FAM169A: variants seen among roughly 807,000 people sequenced by gnomAD.
The protein encoded by FAM169A is family with sequence similarity 169 member A.
In FAM169A, 24 loss-of-function variants were observed where a neutral mutation model predicts 75.7. The observed-to-expected ratio is 0.32, with a 90% CI of 0.23 to 0.45. The LOEUF (loss-of-function observed/expected upper bound fraction) is 0.45, where lower values mean the gene tolerates loss of function less well. Among genes scored for constraint, FAM169A ranks in the 20% least tolerant of loss-of-function variants. The pLI is 1.00. For synonymous variants in FAM169A, 271 were observed against 271.0 expected (o/e 1.00, Z 0.00); for missense variants, 673 against 784.0 (o/e 0.86, Z 1.69).
intron 5 of FAM169A, among the ~76,000 whole-genome samples, chr5:74,831,301 C>T (rs1325679071): frequency 2.0e-5 from 3 of 152,108 alleles, no homozygotes; most frequent in South Asian, 4.1e-4. Flanking sequence ...TTTTGTCTTA[C>T]GATAATTTCT....
intron 10 of FAM169A, among the ~76,000 whole-genome samples, chr5:74,796,709 CTT>C (rs749033904): frequency 2.7e-4 from 38 of 142,208 alleles, no homozygotes; most frequent in Admixed American, 5.0e-4. Flanking sequence ...CAGCCTGAAT[CTT>C]TTTTTTTTTT....
chr5:74,855,667 T>A (rs1428897263), intron 1 of FAM169A, among the ~76,000 whole-genome samples: 1 of 152,252 alleles, frequency 6.6e-6, no homozygotes, highest in African/African-American at 2.4e-5. Flanking sequence ...TCTGAGTTCC[T>A]TATATATTCT....
chr5:74,816,695 T>C (rs1479867590), intron 5 of FAM169A, among the ~76,000 whole-genome samples: 1 of 152,210 alleles, frequency 6.6e-6, no homozygotes, highest in Non-Finnish European at 1.5e-5. Context: ...TGGATTTACC[T>C]AGTAAAGCAA....
chr5:74,821,900 A>C (rs1747782956), intron 5 of FAM169A, among the ~76,000 whole-genome samples: 1 of 152,164 alleles, frequency 6.6e-6, no homozygotes, highest in African/African-American at 2.4e-5. Context: ...CTACAGTGGG[A>C]CAGTCTGTAG....
At chr5:74,806,337 A>C (rs1162608385) in intron 6 of FAM169A, among the ~76,000 whole-genome samples, 1 of 152,232 alleles carries the variant, frequency 6.6e-6, no homozygotes, top group Non-Finnish European at 1.5e-5. Flanking sequence ...ATGGTGCTGA[A>C]ATAAAAATCC....
At chr5:74,866,737 C>G, upstream of FAM169A, 1 of 985,456 alleles carries the variant, frequency 1.0e-6, no homozygotes, top group African/African-American at 1.7e-5. Flanking sequence ...TTTGCGTATT[C>G]CTTTAATGCC....
chr5:74,818,101 A>T lies in FAM169A; in HGVS notation c.491-4082T>A, dbSNP rs1397109978. Among the ~76,000 whole-genome samples, 6 of 152,328 alleles carry T rather than the reference A, an allele frequency of 3.9e-5. No individual in the cohort carries two copies. The East Asian group carries it at 1.2e-3, about 29-fold the overall frequency. ...GCCTTTGTCACCTTGGGTTAGGCAG[A>T]GCCTTCTTAGATATAACACCAAAAG... On this transcript the variant is annotated intron_variant, in intron 5 of 12. Coordinates refer to ENST00000687041, the MANE Select transcript of FAM169A (RefSeq NM_001376049.1).
intron 5 of FAM169A, among the ~76,000 whole-genome samples, chr5:74,826,054 T>A (rs563580741): frequency 3.3e-5 from 5 of 152,300 alleles, no homozygotes; most frequent in African/African-American, 1.2e-4. Flanking sequence ...AATTTTATCA[T>A]CTCTTCCTAT....
intron 10 of FAM169A, chr5:74,799,924 C>G (rs544287235): frequency 1.4e-5 from 12 of 854,928 alleles, no homozygotes; most frequent in African/African-American, 3.3e-5. Context: ...AAGAGGGCCA[C>G]GACTGAGGGC....
intron 1 of FAM169A, among the ~76,000 whole-genome samples, chr5:74,843,226 CAA>C (rs1378297923): frequency 1.3e-5 from 2 of 152,048 alleles, no homozygotes; most frequent in Non-Finnish European, 2.9e-5. Context: ...GTGAACAAGA[CAA>C]AAGAGAAACC....
intron 10 of FAM169A, among the ~76,000 whole-genome samples, chr5:74,800,410 G>GA (rs574558301): frequency 2.6e-5 from 4 of 151,848 alleles, no homozygotes; most frequent in Non-Finnish European, 5.9e-5. Flanking sequence ...AATGCGGGGG[G>GA]AAAAAAACTG....
chr5:74,810,091 A>G (rs1286368290), intron 6 of FAM169A, among the ~76,000 whole-genome samples: 1 of 152,216 alleles, frequency 6.6e-6, no homozygotes, highest in East Asian at 1.9e-4. Flanking sequence ...TCAACAGGCA[A>G]ATAAATTGTG....
chr5:74,799,503 T>C, intron 10 of FAM169A: 1 of 1,585,730 alleles, frequency 6.3e-7, no homozygotes, highest in Non-Finnish European at 8.7e-7. Flanking sequence ...GAGTGTTTTC[T>C]TCCTACATTA....
chr5:74,801,387 G>A (rs1188971439), intron 9 of FAM169A, among the ~76,000 whole-genome samples: 1 of 152,154 alleles, frequency 6.6e-6, no homozygotes, highest in African/African-American at 2.4e-5. Context: ...ACAAGGAAGA[G>A]AGAGGTACAA....
Position 74,840,061 on chromosome 5 carries a change from AGC to A in FAM169A, c.232+11_232+12del. On this transcript the variant is annotated intron_variant, in intron 3 of 12. Coordinates refer to ENST00000687041, the MANE Select transcript of FAM169A (RefSeq NM_001376049.1). ...AAAATTCCTTAATTTATAAAAATTA[AGC>A]AAAAAGAGACCTGTCAGTGAATCTT... 3 of 1,389,234 alleles carry A rather than the reference AGC, an allele frequency of 2.2e-6. No individual in the cohort carries two copies. The highest frequency in any genetic ancestry group is 3.0e-6 in the Non-Finnish European group (3 of 1,005,600). 86.1% of individuals were successfully genotyped at this position (1,389,234 alleles called of 1,614,324 possible).
At chr5:74,839,973 TAA>T in intron 3 of FAM169A, 99 bp downstream of exon 3, 1 of 507,986 alleles carries the variant, frequency 2.0e-6, no homozygotes, top group Non-Finnish European at 3.5e-6. Flanking sequence ...TGAAACACTT[TAA>T]AAAAAAAACC....
intron 5 of FAM169A, among the ~76,000 whole-genome samples, chr5:74,834,041 T>C (rs1252489415): frequency 6.6e-6 from 1 of 152,166 alleles, no homozygotes; most frequent in African/African-American, 2.4e-5. Context: ...AAACAGGCTA[T>C]GCATTTGGGC....
At chr5:74,861,352 A>C (rs893338014) in intron 1 of FAM169A, among the ~76,000 whole-genome samples, 1 of 152,180 alleles carries the variant, frequency 6.6e-6, no homozygotes, top group African/African-American at 2.4e-5. Context: ...AATCTCTATT[A>C]TCTGCCTAGA....
chr5:74,826,457 T>TTTTGGCC (rs1748032181), intron 5 of FAM169A, among the ~76,000 whole-genome samples: 2 of 152,190 alleles, frequency 1.3e-5, no homozygotes, highest in Non-Finnish European at 2.9e-5. Flanking sequence ...ATTGGTATTT[T>TTTTGGCC]TAGTTTCTTT....
Sources: allele counts gnomAD v4.1 joint callset (sites outside exome capture counted in the v4.1 genomes callset), GRCh38; gene constraint gnomAD v4.1.1; transcripts MANE v1.5; gene names NCBI Gene and HGNC (gene_info 2026-07-23, HGNC 2026-07-21).